Variants in RBM39 observed in about 807,000 individuals in gnomAD.
RBM39 encodes RNA-binding protein 39.
A neutral mutation model predicts 79.6 loss-of-function variants in RBM39; 12 were observed. That is an observed-to-expected ratio of 0.15 (90% CI 0.10 to 0.24). The LOEUF is 0.24. Ranked by LOEUF, RBM39 falls within the 10% of genes least tolerant of loss-of-function variation. The pLI is 1.00. For missense variants in RBM39, 243 were observed against 653.4 expected, an observed-to-expected ratio of 0.37 and a Z score of 6.85; for synonymous variants, 185 against 208.4, an observed-to-expected ratio of 0.89 and a Z score of 0.97.
chr20:35,741,034 T>TTTTTTC (rs2040461102), intron 1 of RBM39, 147 bp from the exon 2 acceptor site: 154 of 323,876 alleles, frequency 4.8e-4, no homozygotes, highest in Middle Eastern at 4.1e-3. Context: ...ATTTTTCTTT[T>TTTTTTC]TTTTTTTTTT....
At chr20:35,706,039 T>C (rs1755695674) in intron 14 of RBM39, among the ~76,000 whole-genome samples, 1 of 151,798 alleles carries the variant, frequency 6.6e-6, no homozygotes, top group Admixed American at 6.6e-5. Flanking sequence ...CCAGCTCTAC[T>C]ATAAAAATAC....
At chr20:35,709,903 C>T (rs1439616478) in intron 12 of RBM39, among the ~76,000 whole-genome samples, 1 of 151,958 alleles carries the variant, frequency 6.6e-6, no homozygotes, top group Non-Finnish European at 1.5e-5. Context: ...TTTAGCAAGG[C>T]AGAAATAAAA....
chr20:35,731,990 G>C lies in RBM39; in HGVS notation c.247C>G (p.Arg83Gly). ...AATCTTCGATCTCGACTTCTTGAGCGGCTCCGTCGCCTCTCTTTGCTTCTA... is the reference window on the plus strand; with the variant it reads ...AATCTTCGATCTCGACTTCTTGAGCCGCTCCGTCGCCTCTCTTTGCTTCTA... ...RSRSKERRRS[R>G]SRSRDRRFRG... is the part of the protein sequence containing the mutation. Residue 83 changes from arginine to glycine, a missense_variant, in exon 4 of 17, where the codon CGC becomes GGC. By Grantham distance (125) the Arg-to-Gly change is moderately radical. Around this residue, in one of 4 missense-constraint regions of RBM39, gnomAD observed 115 missense variants for 184.1 expected, o/e 0.62. Transcript: ENST00000253363. 1 of 1,614,050 alleles carries C rather than the reference G, an allele frequency of 6.2e-7. No individual in the cohort carries two copies. The highest frequency in any genetic ancestry group is 8.5e-7 in the Non-Finnish European group (1 of 1,180,022).
At chr20:35,708,702 TAATG>T (rs1422391714) in intron 13 of RBM39, 3 of 152,412 alleles carry the variant, frequency 2.0e-5, no homozygotes, top group African/African-American at 7.2e-5. Context: ...ATAGCCTACT[TAATG>T]AATGGTTTCT....
chr20:35,742,011 C>T lies in RBM39; in HGVS notation c.-84G>A. 4 of 249,822 alleles carry T rather than the reference C, an allele frequency of 1.6e-5. No homozygotes were observed. The highest frequency in any genetic ancestry group is 4.7e-5 in the Admixed American group (1 of 21,226). 15.5% of individuals were successfully genotyped at this position (249,822 alleles called of 1,614,324 possible). A position where few individuals can be genotyped will look rare whatever the true frequency, so the allele number is the denominator to read the frequency against. ...ATTGCTGCTGCTGCTGCTGCTGCTG[C>T]CGCCGCCGCCGCTTCTGTTGCTACT... On this transcript the variant is annotated 5_prime_UTR_variant, in exon 1 of 17. Transcript: ENST00000253363.
intron 10 of RBM39, among the ~76,000 whole-genome samples, chr20:35,716,005 T>G (rs978520163): frequency 6.6e-6 from 1 of 152,242 alleles, no homozygotes; most frequent in Non-Finnish European, 1.5e-5. Context: ...AGTGTCATGT[T>G]TGCATGGCCT....
chr20:35,722,984 G>A (rs1366320383), intron 8 of RBM39, among the ~76,000 whole-genome samples: 1 of 150,324 alleles, frequency 6.7e-6, no homozygotes. Flanking sequence ...CACCTAAAAT[G>A]AATCATGAAC....
intron 4 of RBM39, chr20:35,731,643 C>T (rs533746022): frequency 5.4e-6 from 2 of 372,014 alleles, no homozygotes; most frequent in Non-Finnish European, 9.8e-6. Flanking sequence ...ACTACAATGT[C>T]ATCTTTTTCA....
At chr20:35,728,238 G>A (rs1182258718) in intron 6 of RBM39, among the ~76,000 whole-genome samples, 2 of 101,210 alleles carry the variant, frequency 2.0e-5, no homozygotes, top group Admixed American at 9.2e-5. Context: ...ACTTCTCCAC[G>A]AGGCTATTTC....
At chr20:35,740,390 G>C (rs904253031) in intron 2 of RBM39, 3 of 398,634 alleles carry the variant, frequency 7.5e-6, no homozygotes, top group Non-Finnish European at 1.5e-5. Context: ...GTCATGCTTT[G>C]TTATTCTTGG....
Position 35,714,176 on chromosome 20 carries a change from A to G in RBM39, c.1096+9T>C. On this transcript the variant is annotated intron_variant, in intron 11 of 16. Transcript: ENST00000253363. The stretch of plus-strand genomic sequence containing the variant: ...CAGTAAATCATTCGTAATAGCAAGA[A>G]ACACTTACCCTCTGCAAGTCTTGCC... 6.2e-7 allele frequency: 1 copy of G among 1,611,322 alleles called. No individual in the cohort carries two copies. Among genetic ancestry groups the G allele is most frequent in the Non-Finnish European group, 8.5e-7 (1 of 1,178,640 alleles).
At position 35,734,282 on chromosome 20, in the gene RBM39, G is replaced by C. The variant is rs894320890; in HGVS notation, c.102-2147C>G. 8.0e-6 allele frequency: 10 copies of C among 1,250,076 alleles called. No homozygotes were observed. In the African/African-American group the frequency reaches 1.4e-4, roughly 17 times the overall value. 77.4% of individuals were successfully genotyped at this position (1,250,076 alleles called of 1,614,324 possible). ...TCTAAAATTTCAAGATAATCCACCTGACTGTCAGAAATGTATATGCTAGGT... is the reference window on the plus strand; with the variant it reads ...TCTAAAATTTCAAGATAATCCACCTCACTGTCAGAAATGTATATGCTAGGT... On this transcript the variant is annotated intron_variant, in intron 3 of 16. Coordinates refer to ENST00000253363, the MANE Select transcript of RBM39 (RefSeq NM_184234.3).
intron 8 of RBM39, among the ~76,000 whole-genome samples, chr20:35,723,978 C>T (rs559373344): frequency 9.9e-5 from 15 of 152,268 alleles, no homozygotes; most frequent in African/African-American, 1.9e-4. Flanking sequence ...CAGGTCAAGG[C>T]TACAGTGAGC....
At position 35,734,864 on chromosome 20, in the gene RBM39, A is replaced by T. The variant is rs948663205; in HGVS notation, c.102-2729T>A. ...CATTAACTAAAGAAGGGTTATCGAA[A>T]TCCACACTAATAGTCAAATCCTGTT... On this transcript the variant is annotated intron_variant, in intron 3 of 16. Transcript: ENST00000253363. The T allele has an allele frequency of 2.0e-6, 3 of 1,483,962 alleles. No homozygotes were observed. The African/African-American group carries it at 4.3e-5, about 21-fold the overall frequency. The allele number at this position is 1,483,962 out of a possible 1,614,324, so 91.9% of individuals were successfully genotyped here.
chr20:35,723,825 G>T (rs2038305592), intron 8 of RBM39, among the ~76,000 whole-genome samples: 1 of 152,228 alleles, frequency 6.6e-6, no homozygotes. Context: ...AGGATCACTT[G>T]AGCATGACAG....
intron 3 of RBM39, among the ~76,000 whole-genome samples, chr20:35,738,152 T>A (rs1011650301): frequency 7.1e-6 from 1 of 141,324 alleles, no homozygotes; most frequent in Non-Finnish European, 1.5e-5. Context: ...CCAGACTCCA[T>A]GTCAAAGAAA....
At chr20:35,724,051 G>T (rs192323414) in intron 8 of RBM39, among the ~76,000 whole-genome samples, 2 of 151,914 alleles carry the variant, frequency 1.3e-5, no homozygotes, top group Admixed American at 1.3e-4. Context: ...CAAAAACAAG[G>T]CCAGGTGTGG....
At chr20:35,713,284 C>A in intron 11 of RBM39, 188 bp from the exon 12 acceptor site, 1 of 474,724 alleles carries the variant, frequency 2.1e-6, no homozygotes, top group Non-Finnish European at 3.8e-6. Context: ...TCCCAGAGAT[C>A]GAGACCAACC....
chr20:35,716,666 T>C, intron 10 of RBM39, 74 bp downstream of exon 10: 1 of 907,582 alleles, frequency 1.1e-6, no homozygotes, highest in Admixed American at 2.5e-5. Flanking sequence ...AGCTAGAGAC[T>C]AATCTGAGCA....
Sources: gnomAD v4.1 joint callset for allele counts (sites outside exome capture counted in the v4.1 genomes callset) on GRCh38, gnomAD v4.1.1 for gene constraint, gnomAD v4.1.1 regional missense constraint, MANE v1.5 for transcripts, NCBI Gene and HGNC (gene_info 2026-07-23, HGNC 2026-07-21) for gene names.